The following B3GAT2 variants were observed in gnomAD, a reference collection of about 807,000 sequenced individuals.
B3GAT2 encodes galactosylgalactosylxylosylprotein 3-beta-glucuronosyltransferase 2.
In B3GAT2, 26 loss-of-function variants were observed where a neutral mutation model predicts 27.8. That is an observed-to-expected ratio of 0.93 (90% confidence interval 0.68 to 1.30). The LOEUF (loss-of-function observed/expected upper bound fraction) is 1.30. Among genes scored for constraint, B3GAT2 ranks in the 50% most tolerant of loss-of-function variants. The pLI is 0.00. For synonymous variants in B3GAT2, 218 were observed against 195.1 expected (o/e 1.12, Z -0.98); for missense variants, 458 against 459.0 (o/e 1.00, Z 0.02).
chr6:70,914,346 T>C (rs751521611), intron 1 of B3GAT2, among the ~76,000 whole-genome samples: 7 of 152,120 alleles, frequency 4.6e-5, no homozygotes, highest in African/African-American at 1.2e-4. Flanking sequence ...CGTGTTCCCA[T>C]AGTTCAGCTC....
In B3GAT2 at chr6:70,880,740, A is replaced by G. The variant is rs554417282; in HGVS notation, c.736+13388T>C. ...GAGTGCAGTGGGATGATCTCAGCTC[A>G]CTGTAACCTCTGCCTCCCGGGTTCA... On this transcript the variant is annotated intron_variant, in intron 2 of 3. Transcript: ENST00000230053. 2.0e-5 allele frequency among the ~76,000 whole-genome samples: 3 copies of G among 151,392 alleles called. No homozygotes were observed. In the South Asian group the frequency reaches 6.3e-4, roughly 32 times the overall value.
At chr6:70,912,382 T>G (rs1582375449) in intron 1 of B3GAT2, among the ~76,000 whole-genome samples, 1 of 152,226 alleles carries the variant, frequency 6.6e-6, no homozygotes, top group Non-Finnish European at 1.5e-5. Flanking sequence ...TCTATTGAGA[T>G]TATCATTTGG....
intron 2 of B3GAT2, among the ~76,000 whole-genome samples, chr6:70,869,221 T>C (rs748864615): frequency 7.2e-5 from 11 of 152,136 alleles, no homozygotes; most frequent in Non-Finnish European, 1.6e-4. Flanking sequence ...TCCTATGTTG[T>C]CCAGGCTGGT....
At chr6:70,886,509 T>C (rs1248460732) in intron 2 of B3GAT2, among the ~76,000 whole-genome samples, 1 of 152,114 alleles carries the variant, frequency 6.6e-6, no homozygotes, top group East Asian at 1.9e-4. Context: ...GGATCTCCAA[T>C]ATGTAAATGC....
chr6:70,896,394 A>T (rs1281806632), intron 1 of B3GAT2, among the ~76,000 whole-genome samples: 1 of 152,164 alleles, frequency 6.6e-6, no homozygotes, highest in African/African-American at 2.4e-5. Context: ...CTGAAATACT[A>T]ATATAGAATA....
intron 1 of B3GAT2, among the ~76,000 whole-genome samples, chr6:70,935,568 C>T (rs911430117): frequency 6.6e-6 from 1 of 151,968 alleles, no homozygotes; most frequent in Admixed American, 6.6e-5. Context: ...TATAGATCTA[C>T]TGGATATATT....
rs1582334002 is a variant in B3GAT2 at position 70,861,919 on chromosome 6, C to T, written c.796G>A (p.Gly266Arg). The part of the protein sequence containing the change: ...SNPKAVFKRR[G>R]SQPGMQESDF... ...GATTCTTGCATCCCTGGCTGGGATCCACGACGCTTAAATACAGCTTTTGGA... is the reference window on the plus strand; with the variant it reads ...GATTCTTGCATCCCTGGCTGGGATCTACGACGCTTAAATACAGCTTTTGGA... Residue 266 changes from glycine (G) to arginine (R), a missense_variant, in exon 3 of 4, where the codon GGA becomes AGA. Gly to Arg is a moderately radical substitution (Grantham distance 125, BLOSUM62 -2). Transcript: ENST00000230053. 3.1e-6 allele frequency: 5 copies of T among 1,613,712 alleles called. No individual in the cohort carries two copies. The highest frequency in any genetic ancestry group is 1.3e-5 in the African/African-American group (1 of 74,842).
chr6:70,956,055 C>T lies in B3GAT2; in HGVS notation c.375G>A (p.Leu125=), dbSNP rs552429904. 1.5e-5 allele frequency: 24 copies of T among 1,584,492 alleles called. No homozygotes were observed. In the East Asian group the frequency reaches 4.4e-4, roughly 29 times the overall value. The change falls in exon 1 of 4, where the codon CTG becomes CTA. Residue 125 remains leucine, a synonymous_variant. Coordinates refer to ENST00000230053, the MANE Select transcript of B3GAT2 (RefSeq NM_080742.3). ...LVEDAAARSE[L]VSRFLARAGL... ...CGGCCCGCGCCAGGAAGCGGCTCAC[C>T]AGCTCGCTGCGCGCCGCCGCGTCCT... is the stretch of plus-strand genomic sequence containing the variant.
chr6:70,880,478 A>C (rs7772468), intron 2 of B3GAT2, among the ~76,000 whole-genome samples: 7,092 of 152,164 alleles, frequency 0.047, 179 homozygotes, highest in South Asian at 0.069. Context: ...AAACTCAAGT[A>C]TTATAGGAAC....
chr6:70,888,658 C>T (rs975033098), intron 2 of B3GAT2, among the ~76,000 whole-genome samples: 16 of 152,122 alleles, frequency 1.1e-4, no homozygotes, highest in Non-Finnish European at 1.8e-4. Flanking sequence ...CATCAGTCCC[C>T]TACTTGAAAA....
chr6:70,946,451 C>T (rs1022167926), intron 1 of B3GAT2, among the ~76,000 whole-genome samples: 2 of 151,940 alleles, frequency 1.3e-5, no homozygotes, highest in African/African-American at 4.8e-5. Context: ...ATAAAACAGA[C>T]TTTAAACCAA....
chr6:70,885,454 C>T (rs1048537779), intron 2 of B3GAT2, among the ~76,000 whole-genome samples: 3 of 151,996 alleles, frequency 2.0e-5, no homozygotes, highest in African/African-American at 4.8e-5. Context: ...TTTTTGGCTT[C>T]GATTTTCTCC....
intron 1 of B3GAT2, among the ~76,000 whole-genome samples, chr6:70,918,271 C>T (rs952911545): frequency 1.3e-5 from 2 of 152,074 alleles, no homozygotes; most frequent in African/African-American, 4.8e-5. Context: ...TCTTCCATCA[C>T]TTTATTTGAG....
chr6:70,943,144 T>A (rs1765420744), intron 1 of B3GAT2, among the ~76,000 whole-genome samples: 1 of 152,136 alleles, frequency 6.6e-6, no homozygotes, highest in Non-Finnish European at 1.5e-5. Flanking sequence ...CCTCAGCAAA[T>A]CCACCTCCAA....
At chr6:70,863,199 C>T (rs1239599278) in intron 2 of B3GAT2, among the ~76,000 whole-genome samples, 2 of 152,180 alleles carry the variant, frequency 1.3e-5, no homozygotes, top group African/African-American at 4.8e-5. Flanking sequence ...AAACATTTCT[C>T]AGCAACTTTT....
At chr6:70,899,812 C>CT (rs1297165078) in intron 1 of B3GAT2, among the ~76,000 whole-genome samples, 6 of 152,286 alleles carry the variant, frequency 3.9e-5, no homozygotes, top group African/African-American at 7.2e-5. Flanking sequence ...TTGAGGATTC[C>CT]TTAACAGCCC....
At chr6:70,874,010 T>C (rs1771976786) in intron 2 of B3GAT2, among the ~76,000 whole-genome samples, 1 of 152,184 alleles carries the variant, frequency 6.6e-6, no homozygotes, top group African/African-American at 2.4e-5. Context: ...ATATTTAAAA[T>C]ATCTGATTTA....
chr6:70,885,724 G>A (rs112534571), intron 2 of B3GAT2, among the ~76,000 whole-genome samples: 38 of 152,258 alleles, frequency 2.5e-4, no homozygotes, highest in African/African-American at 8.7e-4. Flanking sequence ...GTATGTATTC[G>A]TTTTACTTCA....
Position 70,860,437 on chromosome 6 carries a change from C to A in B3GAT2, c.*1226G>T. The A allele has an allele frequency of 1.5e-6, 2 of 1,366,990 alleles. No individual in the cohort carries two copies. The highest frequency in any genetic ancestry group is 2.0e-6 in the Non-Finnish European group (2 of 1,013,184). 84.7% of individuals were successfully genotyped at this position (1,366,990 alleles called of 1,614,324 possible). A position where few individuals can be genotyped will look rare whatever the true frequency, so the allele number is the denominator to read the frequency against. ...ATATGCATATTTTTTTTCTTTTTAC[C>A]CATTTGTTCATATTAAGAATGATCT... On this transcript the variant is annotated 3_prime_UTR_variant, in exon 4 of 4. Transcript: ENST00000230053.
Sources: gnomAD v4.1 joint callset for allele counts (sites outside exome capture counted in the v4.1 genomes callset) on GRCh38, gnomAD v4.1.1 for gene constraint, MANE v1.5 for transcripts, NCBI Gene and HGNC (gene_info 2026-07-23, HGNC 2026-07-21) for gene names.